LRBA: variants seen among roughly 807,000 people sequenced by gnomAD.
LRBA encodes the protein lipopolysaccharide-responsive and beige-like anchor protein.
A neutral mutation model predicts 330.0 loss-of-function variants in LRBA; 176 were observed. The observed-to-expected ratio is 0.53, with a 90% CI of 0.47 to 0.60. The LOEUF (loss-of-function observed/expected upper bound fraction) is 0.60, where lower values mean the gene tolerates loss of function less well. LRBA is among the 20% of genes least tolerant of loss of function. The pLI is 0.00. For synonymous variants in LRBA, 1,230 were observed against 1,193.0 expected (o/e 1.03, Z -0.64); for missense variants, 3,259 against 3,444.8 (o/e 0.95, Z 1.35).
At chr4:150,580,908 A>G (rs967418292) in intron 40 of LRBA, 3 of 153,046 alleles carry the variant, frequency 2.0e-5, no homozygotes, top group Non-Finnish European at 2.9e-5. Context: ...GAAGTCTTTT[A>G]AAAGCAAGAG....
chr4:150,365,733 G>A (rs556495462), intron 47 of LRBA, among the ~76,000 whole-genome samples: 1 of 150,642 alleles, frequency 6.6e-6, no homozygotes, highest in Non-Finnish European at 1.5e-5. Flanking sequence ...AGAGGTTGTG[G>A]TGAGCTGAGA....
chr4:150,352,230 C>A (rs1001180473), intron 47 of LRBA, among the ~76,000 whole-genome samples: 3 of 152,136 alleles, frequency 2.0e-5, no homozygotes, highest in African/African-American at 7.2e-5. Flanking sequence ...TAGCAAGTAA[C>A]CAATGAGACA....
intron 47 of LRBA, among the ~76,000 whole-genome samples, chr4:150,358,299 C>T (rs973323107): frequency 1.3e-4 from 19 of 151,978 alleles, no homozygotes; most frequent in Admixed American, 2.6e-4. Context: ...TAAACTGAGT[C>T]CCAGGACTAA....
chr4:150,676,556 T>A (rs1782576872), intron 37 of LRBA, among the ~76,000 whole-genome samples: 1 of 152,128 alleles, frequency 6.6e-6, no homozygotes, highest in East Asian at 1.9e-4. Flanking sequence ...GCCTACAGGG[T>A]CCTGAAGTAG....
At chr4:150,381,255 G>A (rs1251029714) in intron 47 of LRBA, among the ~76,000 whole-genome samples, 1 of 152,000 alleles carries the variant, frequency 6.6e-6, no homozygotes, top group Non-Finnish European at 1.5e-5. Context: ...CAATTCTGTG[G>A]TTTTCAGTAT....
intron 37 of LRBA, 111 bp from the exon 38 acceptor site, chr4:150,599,242 T>A: frequency 9.0e-7 from 1 of 1,114,678 alleles, no homozygotes; most frequent in Non-Finnish European, 1.3e-6. Flanking sequence ...TCCCTCTCCT[T>A]CCACTTAATT....
intron 28 of LRBA, among the ~76,000 whole-genome samples, chr4:150,836,534 G>A (rs1012479780): frequency 3.9e-5 from 6 of 152,186 alleles, no homozygotes; most frequent in South Asian, 2.1e-4. Context: ...TCTTGGGAGG[G>A]TGTCCAGGAA....
rs554066218 is a variant in LRBA at position 150,986,103 on chromosome 4, G to A, written c.216+28324C>T. The stretch of plus-strand genomic sequence containing the variant: ...CAAATTCACCTAAATAATTTACAAT[G>A]TAGAATTGAACATAGTCTGTTAAGG... On this transcript the variant is annotated intron_variant, in intron 2 of 56. Transcript: ENST00000651943. Among the ~76,000 whole-genome samples, 13 of 152,208 alleles carry A rather than the reference G, an allele frequency of 8.5e-5. No homozygotes were observed. The South Asian group carries it at 2.5e-3, about 29-fold the overall frequency.
At chr4:150,947,029 T>C (rs1736323191) in intron 2 of LRBA, among the ~76,000 whole-genome samples, 1 of 151,866 alleles carries the variant, frequency 6.6e-6, no homozygotes, top group Admixed American at 6.5e-5. Flanking sequence ...TTGCCCAATA[T>C]GAAATAATTT....
At chr4:150,539,686 T>C (rs996464191) in intron 40 of LRBA, among the ~76,000 whole-genome samples, 3 of 152,206 alleles carry the variant, frequency 2.0e-5, no homozygotes, top group Admixed American at 6.5e-5. Flanking sequence ...ACGTAACATA[T>C]ACCAGAATAT....
At chr4:150,411,435 G>A (rs192401410) in intron 47 of LRBA, among the ~76,000 whole-genome samples, 11 of 152,052 alleles carry the variant, frequency 7.2e-5, no homozygotes, top group African/African-American at 2.4e-4. Flanking sequence ...AGACATGCTG[G>A]GTATCTTAAA....
At chr4:150,879,129 C>A (rs527926500) in intron 17 of LRBA, among the ~76,000 whole-genome samples, 1 of 152,104 alleles carries the variant, frequency 6.6e-6, no homozygotes, top group Non-Finnish European at 1.5e-5. Context: ...CAACAAAATA[C>A]TAGCAAACCA....
At chr4:150,859,967 G>A (rs1215287543) in intron 22 of LRBA, among the ~76,000 whole-genome samples, 1 of 152,054 alleles carries the variant, frequency 6.6e-6, no homozygotes, top group Non-Finnish European at 1.5e-5. Context: ...TAATTCCAGT[G>A]GAATTTTTAA....
chr4:150,366,216 T>C (rs996515388), intron 47 of LRBA, among the ~76,000 whole-genome samples: 6 of 152,166 alleles, frequency 3.9e-5, no homozygotes, highest in Non-Finnish European at 5.9e-5. Flanking sequence ...ACCCCTATGA[T>C]AGCTGGTAAG....
chr4:150,362,785 T>C (rs1449302702), intron 47 of LRBA, among the ~76,000 whole-genome samples: 3 of 152,282 alleles, frequency 2.0e-5, no homozygotes, highest in African/African-American at 7.2e-5. Context: ...AAACACATAC[T>C]TCAGTCTACC....
At chr4:150,664,615 A>G (rs150250590) in intron 37 of LRBA, among the ~76,000 whole-genome samples, 57 of 152,312 alleles carry the variant, frequency 3.7e-4, no homozygotes, top group African/African-American at 1.3e-3. Context: ...CATATGACAC[A>G]GGAATTAACA....
At chr4:150,979,338 C>T (rs769198767) in intron 2 of LRBA, among the ~76,000 whole-genome samples, 2 of 152,108 alleles carry the variant, frequency 1.3e-5, no homozygotes, top group Non-Finnish European at 2.9e-5. Flanking sequence ...CCAAGACAAA[C>T]AAAAGCTGAG....
chr4:150,443,872 ATT>A (rs61403112), intron 44 of LRBA, among the ~76,000 whole-genome samples: 1,746 of 88,352 alleles, frequency 0.02, 24 homozygotes, highest in African/African-American at 0.04. Context: ...ATATATATAT[ATT>A]TTTTTTTTTT....
At chr4:150,736,411 G>C (rs2127145739) in intron 35 of LRBA, among the ~76,000 whole-genome samples, 1 of 151,836 alleles carries the variant, frequency 6.6e-6, no homozygotes, top group African/African-American at 2.4e-5. Context: ...TTGTGTAACA[G>C]AGAATTCCAG....
Sources: gnomAD v4.1 joint callset for allele counts (sites outside exome capture counted in the v4.1 genomes callset) on GRCh38, gnomAD v4.1.1 for gene constraint, MANE v1.5 for transcripts, NCBI Gene and HGNC (gene_info 2026-07-23, HGNC 2026-07-21) for gene names.